The following NRXN1 variants were observed in gnomAD, a reference collection of about 807,000 sequenced individuals.
NRXN1 encodes the protein neurexin-1.
Under a neutral mutation model 150.9 loss-of-function variants are expected in NRXN1, and 39 were observed. The ratio of observed to expected loss-of-function variants is 0.26; its 90% CI spans 0.20 to 0.34. The LOEUF is 0.34. Ranked by LOEUF, NRXN1 falls within the 10% of genes least tolerant of loss-of-function variation. The pLI, the probability that NRXN1 is intolerant of heterozygous loss-of-function variation, is 1.00. For synonymous variants in NRXN1, 924 were observed against 757.0 expected (o/e 1.22, Z -3.62); for missense variants, 1,815 against 1,949.9 (o/e 0.93, Z 1.30).
intron 5 of NRXN1, among the ~76,000 whole-genome samples, chr2:50,906,820 G>A (rs151162613): frequency 2.6e-5 from 4 of 152,142 alleles, no homozygotes; most frequent in Non-Finnish European, 5.9e-5. Flanking sequence ...TTAATCTCCA[G>A]AACCTGTGAA....
At chr2:50,566,861 T>C (rs1363950078) in intron 8 of NRXN1, among the ~76,000 whole-genome samples, 3 of 152,134 alleles carry the variant, frequency 2.0e-5, no homozygotes, top group Non-Finnish European at 2.9e-5. Context: ...TCAGCCCTGG[T>C]TCTGGGCACA....
chr2:49,973,831 A>G, intron 21 of NRXN1: 1 of 588,908 alleles, frequency 1.7e-6, no homozygotes, highest in Non-Finnish European at 3.0e-6. Flanking sequence ...ATATTTTAAC[A>G]TAAATCTTAA....
At chr2:50,083,265 T>C (rs897621987) in intron 19 of NRXN1, among the ~76,000 whole-genome samples, 1 of 152,270 alleles carries the variant, frequency 6.6e-6, no homozygotes, top group African/African-American at 2.4e-5. Flanking sequence ...TTAAGCCTAG[T>C]TGATATAATA....
intron 2 of NRXN1, among the ~76,000 whole-genome samples, chr2:51,020,841 A>T (rs1669491274): frequency 6.6e-6 from 1 of 152,042 alleles, no homozygotes; most frequent in African/African-American, 2.4e-5. Context: ...TCATGTGGCA[A>T]GAAAGGAATC....
intron 8 of NRXN1, among the ~76,000 whole-genome samples, chr2:50,562,887 T>C (rs1385687432): frequency 5.3e-5 from 8 of 152,126 alleles, no homozygotes; most frequent in Admixed American, 5.2e-4. Context: ...TTATAATATA[T>C]TCTAATGTGT....
intron 17 of NRXN1, among the ~76,000 whole-genome samples, chr2:50,292,937 G>A (rs565592193): frequency 6.6e-6 from 1 of 152,182 alleles, no homozygotes; most frequent in South Asian, 2.1e-4. Context: ...AATAGATGGC[G>A]ACCTCAATAA....
chr2:50,515,576 T>C (rs146261038), intron 12 of NRXN1, among the ~76,000 whole-genome samples: 1,883 of 150,468 alleles, frequency 0.013, 153 homozygotes, highest in Admixed American at 0.11. Flanking sequence ...AAATTTAGAA[T>C]AGAAACATTC....
chr2:50,865,658 G>GTTTTTTTTTTTTTTTTTTTTT (rs71404978), intron 5 of NRXN1, among the ~76,000 whole-genome samples: 8 of 41,862 alleles, frequency 1.9e-4, no homozygotes, highest in African/African-American at 5.6e-4. Context: ...GCATTTGAAA[G>GTTTTTTTTTTTTTTTTTTTTT]TTTTTTTTTT....
chr2:50,754,418 C>G (rs1700953835), intron 5 of NRXN1, among the ~76,000 whole-genome samples: 1 of 151,824 alleles, frequency 6.6e-6, no homozygotes, highest in African/African-American at 2.4e-5. Context: ...TTTTTCCAAA[C>G]AATTGATTCC....
intron 2 of NRXN1, among the ~76,000 whole-genome samples, 163 bp from the exon 3 acceptor site, chr2:50,926,118 C>A (rs930144132): frequency 6.6e-6 from 1 of 151,880 alleles, no homozygotes; most frequent in African/African-American, 2.4e-5. Flanking sequence ...CACAGGGAAG[C>A]AGGTTCCCTC....
At chr2:50,401,859 C>G (rs2103946726) in intron 17 of NRXN1, among the ~76,000 whole-genome samples, 1 of 152,208 alleles carries the variant, frequency 6.6e-6, no homozygotes, top group Non-Finnish European at 1.5e-5. Context: ...ATATTCAAAG[C>G]TGGAGATAAT....
rs858929 is a variant in NRXN1 at position 50,665,245 on chromosome 2, A to T, written c.833-41630T>A. Among the ~76,000 whole-genome samples the T allele has an allele frequency of 6.4e-3, 972 of 152,062 alleles. 7 individuals are homozygous for T. Among genetic ancestry groups the T allele is most frequent in the Non-Finnish European group, 0.011 (749 of 67,940 alleles). On this transcript the variant is annotated intron_variant, in intron 5 of 22. Transcript: ENST00000401669. The stretch of plus-strand genomic sequence containing the variant: ...ACCAGTTAATAAAATAGACTCTAAA[A>T]CACTATCTACTATCTAAGAAGGGTG...
intron 13 of NRXN1, 133 bp from the exon 14 acceptor site, chr2:50,497,847 G>A: frequency 1.4e-6 from 1 of 728,040 alleles, no homozygotes; most frequent in African/African-American, 1.8e-5. Flanking sequence ...CATATAGGAA[G>A]AACACTTAAA....
At chr2:50,814,509 G>C (rs960552276) in intron 5 of NRXN1, among the ~76,000 whole-genome samples, 2 of 151,896 alleles carry the variant, frequency 1.3e-5, no homozygotes, top group South Asian at 2.1e-4. Context: ...AGTACCTCAT[G>C]GAAGAACAAA....
intron 15 of NRXN1, among the ~76,000 whole-genome samples, chr2:50,481,760 C>CTTTTTTTGTTTTTTTTT (rs2090474994): frequency 1.2e-5 from 1 of 82,956 alleles, no homozygotes; most frequent in Non-Finnish European, 2.0e-5. Flanking sequence ...ACTTTTGTTT[C>CTTTTTTTGTTTTTTTTT]TTTTTTTTTT....
intron 5 of NRXN1, among the ~76,000 whole-genome samples, chr2:50,858,597 G>C (rs551405271): frequency 2.5e-3 from 377 of 152,050 alleles, no homozygotes; most frequent in Middle Eastern, 6.8e-3. Flanking sequence ...GCGGGTCTTT[G>C]CTCAAGCAAT....
chr2:49,981,320 C>T (rs1308439447), intron 21 of NRXN1, among the ~76,000 whole-genome samples: 2 of 151,598 alleles, frequency 1.3e-5, no homozygotes, highest in African/African-American at 4.8e-5. Flanking sequence ...TGAAAGCACT[C>T]ATCAAAAAAC....
chr2:50,540,107 G>T (rs998702229), intron 9 of NRXN1, among the ~76,000 whole-genome samples: 2 of 152,138 alleles, frequency 1.3e-5, no homozygotes, highest in African/African-American at 4.8e-5. Context: ...TGCTCAGGTG[G>T]CCGAGTCATT....
chr2:50,142,502 G>T (rs746844579), intron 18 of NRXN1, among the ~76,000 whole-genome samples: 7 of 151,674 alleles, frequency 4.6e-5, no homozygotes, highest in Non-Finnish European at 4.4e-5. Context: ...AAAGCTCAAG[G>T]TGATGAATAT....
Sources: gnomAD v4.1 joint callset for allele counts (sites outside exome capture counted in the v4.1 genomes callset) on GRCh38, gnomAD v4.1.1 for gene constraint, MANE v1.5 for transcripts, NCBI Gene and HGNC (gene_info 2026-07-23, HGNC 2026-07-21) for gene names.